Variants in GSE1 observed in about 807,000 individuals in gnomAD.
GSE1 encodes Gse1 coiled-coil protein.
A neutral mutation model predicts 112.6 loss-of-function variants in GSE1; 32 were observed. The observed-to-expected ratio is 0.28, with a 90% CI of 0.21 to 0.38. The LOEUF (loss-of-function observed/expected upper bound fraction) is 0.38. Among genes scored for constraint, GSE1 ranks in the 10% least tolerant of loss-of-function variants. The pLI is 1.00. For synonymous variants in GSE1, 1,115 were observed against 735.6 expected, an observed-to-expected ratio of 1.52 and a Z score of -8.35; for missense variants, 2,348 against 1,699.2, an observed-to-expected ratio of 1.38 and a Z score of -6.71.
intron 1 of GSE1, among the ~76,000 whole-genome samples, chr16:85,319,027 G>A (rs1003132789): frequency 2.6e-5 from 4 of 152,190 alleles, no homozygotes; most frequent in Non-Finnish European, 5.9e-5. Flanking sequence ...TGGAAAGCGA[G>A]CATCATCTGT....
chr16:85,186,836 T>C (rs2074713148), intron 1 of GSE1, among the ~76,000 whole-genome samples: 1 of 152,200 alleles, frequency 6.6e-6, no homozygotes, highest in Admixed American at 6.5e-5. Context: ...AGGATGATGA[T>C]GATGGTGGTG....
At chr16:85,483,003 A>C (rs1460263880) in intron 2 of GSE1, among the ~76,000 whole-genome samples, 1 of 151,762 alleles carries the variant, frequency 6.6e-6, no homozygotes, top group African/African-American at 2.4e-5. Context: ...AAAAATACCA[A>C]ACTCTCTGTG....
intron 1 of GSE1, chr16:85,284,896 T>C (rs2044972300): frequency 6.6e-6 from 1 of 152,222 alleles, no homozygotes; most frequent in South Asian, 2.1e-4. Flanking sequence ...AGTAGGTCTG[T>C]AATCACAGAC....
rs564991432 is a variant in GSE1, at chr16:85,349,905, G to A, written c.2284-7558G>A. ...CTGGGTTGCTGTACGGCCGCTAGGCGTGGGGGTGCAGAACCAGGCTCTGCC... is the reference window on the plus strand; with the variant it reads ...CTGGGTTGCTGTACGGCCGCTAGGCATGGGGGTGCAGAACCAGGCTCTGCC... On this transcript the variant is annotated intron_variant, in intron 1 of 2. Transcript: ENST00000637419. Among the ~76,000 whole-genome samples the A allele has an allele frequency of 5.3e-4, 80 of 152,316 alleles. 2 individuals carry two copies. Among genetic ancestry groups the A allele is most frequent in the Middle Eastern group, 6.8e-3 (2 of 294 alleles).
In GSE1 at chr16:85,672,490, T is replaced by TGCCTG; in HGVS notation, c.3606_3610dup (p.Ala1204GlyfsTer11). On this transcript the variant is annotated frameshift_variant, in exon 16 of 16. Coordinates refer to ENST00000253458, the MANE Select transcript of GSE1 (RefSeq NM_014615.5). LOFTEE classifies it high-confidence loss of function. ...GACCACTTACGAAAGTGCCTTGCCT[T>TGCCTG]GCCTGCAATGCACTGGCCTAGGGGC... The TGCCTG allele has an allele frequency of 6.2e-7, 1 of 1,612,234 alleles. No homozygotes were observed. The highest frequency in any genetic ancestry group is 8.5e-7 in the Non-Finnish European group (1 of 1,178,452).
intron 2 of GSE1, among the ~76,000 whole-genome samples, chr16:85,436,142 A>G (rs995442170): frequency 6.6e-6 from 1 of 152,192 alleles, no homozygotes; most frequent in African/African-American, 2.4e-5. Context: ...GGCCTTGCCC[A>G]GCCCTGGGTT....
chr16:85,290,927 G>T (rs1239209690), intron 1 of GSE1, among the ~76,000 whole-genome samples: 1 of 152,144 alleles, frequency 6.6e-6, no homozygotes, highest in Non-Finnish European at 1.5e-5. Context: ...GGGAGTGTCT[G>T]CCGGGTCCCC....
rs114321405 is a variant in GSE1, at chr16:85,475,087, C to G, written c.2464+117444C>G. On this transcript the variant is annotated intron_variant, in intron 2 of 2. Coordinates refer to the GSE1 transcript ENST00000637419. Reference sequence around the variant, plus strand: ...AATTGTGCCTTGTAATAACACTCCCCGATGGGTTAATTGACCCTGCTCTGA... The same window carrying G: ...AATTGTGCCTTGTAATAACACTCCCGGATGGGTTAATTGACCCTGCTCTGA... Among the ~76,000 whole-genome samples, 15 of 152,138 alleles carry G rather than the reference C, an allele frequency of 9.9e-5. No homozygotes were observed. The East Asian group carries it at 2.9e-3, about 29-fold the overall frequency.
chr16:85,412,749 G>A (rs184321202), intron 2 of GSE1, among the ~76,000 whole-genome samples: 35 of 152,180 alleles, frequency 2.3e-4, no homozygotes, highest in Non-Finnish European at 2.1e-4. Context: ...AATCCTCACC[G>A]TTGCACTCAG....
intron 1 of GSE1, among the ~76,000 whole-genome samples, chr16:85,630,818 A>C (rs1471059509): frequency 6.6e-6 from 1 of 152,036 alleles, no homozygotes; most frequent in Non-Finnish European, 1.5e-5. Flanking sequence ...AGCTTAGGTC[A>C]TCTCCTGGTC....
intron 2 of GSE1, among the ~76,000 whole-genome samples, chr16:85,423,630 TA>T (rs1438268025): frequency 2.1e-5 from 3 of 142,234 alleles, no homozygotes; most frequent in Non-Finnish European, 4.6e-5. Context: ...CGCAGTGGGG[TA>T]GGGGTGGGAC....
chr16:85,458,265 C>T (rs2049885944), intron 2 of GSE1, among the ~76,000 whole-genome samples: 1 of 152,226 alleles, frequency 6.6e-6, no homozygotes, highest in African/African-American at 2.4e-5. Flanking sequence ...GGCAGACAGT[C>T]CTGCCCTCAA....
At chr16:85,237,795 G>A (rs990125274) in intron 1 of GSE1, among the ~76,000 whole-genome samples, 2 of 150,774 alleles carry the variant, frequency 1.3e-5, no homozygotes, top group Non-Finnish European at 1.5e-5. Flanking sequence ...CCAAGATCGC[G>A]CCACCGCACT....
rs2143581294 is a variant in GSE1 at position 85,203,806 on chromosome 16, C to G, written c.2283+31999C>G. Among the ~76,000 whole-genome samples, 2 of 152,304 alleles carry G rather than the reference C, an allele frequency of 1.3e-5. 1 individual carries two copies. Among genetic ancestry groups the G allele is most frequent in the South Asian group, 4.2e-4 (2 of 4,816 alleles). On this transcript the variant is annotated intron_variant, in intron 1 of 2. Coordinates refer to the GSE1 transcript ENST00000637419. ...AGGCTGGTGTGCAGTGGTGTGATCT[C>G]AGCTCACTGTAGCCTCAGCCTCCTG...
At position 85,414,516 on chromosome 16, in the gene GSE1, G is replaced by A. The variant is rs114214799; in HGVS notation, c.2464+56873G>A. Among the ~76,000 whole-genome samples, 443 of 152,314 alleles carry A rather than the reference G, an allele frequency of 2.9e-3. 2 individuals carry two copies. The highest frequency in any genetic ancestry group is 9.3e-3 in the African/African-American group (386 of 41,570). On this transcript the variant is annotated intron_variant, in intron 2 of 2. Coordinates refer to the GSE1 transcript ENST00000637419. The stretch of plus-strand genomic sequence containing the variant: ...CACAGAATGACATCGCCATGCCTTC[G>A]TGGGTCCCAACACCCACGCTCAGAA...
chr16:85,585,654 A>G (rs1211074961), intron 1 of GSE1, among the ~76,000 whole-genome samples: 1 of 152,196 alleles, frequency 6.6e-6, no homozygotes, highest in Non-Finnish European at 1.5e-5. Context: ...CAAGGGGCCC[A>G]TCCTGGTTCT....
At chr16:85,624,669 G>A (rs781392547) in intron 1 of GSE1, among the ~76,000 whole-genome samples, 12 of 152,228 alleles carry the variant, frequency 7.9e-5, no homozygotes, top group Non-Finnish European at 1.6e-4. Context: ...CGGGTTGAGG[G>A]CGTGAATCTC....
intron 1 of GSE1, among the ~76,000 whole-genome samples, chr16:85,253,058 G>A (rs954393870): frequency 3.4e-4 from 16 of 47,162 alleles, no homozygotes; most frequent in East Asian, 8.8e-4. Flanking sequence ...AGGCGCCCCC[G>A]CCCCCCCCCC....
intron 1 of GSE1, among the ~76,000 whole-genome samples, 176 bp from the exon 2 acceptor site, chr16:85,633,738 G>A (rs988758832): frequency 1.4e-4 from 22 of 152,310 alleles, no homozygotes; most frequent in South Asian, 1.0e-3. Context: ...CTCTGGGGAC[G>A]GGGTCTGTTC....
Sources: gnomAD v4.1 joint callset for allele counts (sites outside exome capture counted in the v4.1 genomes callset) on GRCh38, gnomAD v4.1.1 for gene constraint, MANE v1.5 for transcripts, NCBI Gene and HGNC (gene_info 2026-07-23, HGNC 2026-07-21) for gene names.